Variants in NDFIP2 observed in about 807,000 individuals in gnomAD.
NDFIP2 encodes the protein Nedd4 family interacting protein 2, also known as NEDD4 family-interacting protein 2.
NDFIP2 carries 19 observed loss-of-function variants against 36.0 expected under a neutral mutation model. The observed-to-expected ratio is 0.53, with a 90% CI of 0.37 to 0.77. The LOEUF is 0.77. Among genes scored for constraint, NDFIP2 ranks in the 30% least tolerant of loss-of-function variants. The probability of loss-of-function intolerance (pLI) is 0.00; values close to 1 mark genes in which losing one functional copy is unlikely to be tolerated. For synonymous variants in NDFIP2, 181 were observed against 167.7 expected, an observed-to-expected ratio of 1.08 and a Z score of -0.61; for missense variants, 446 against 435.8, an observed-to-expected ratio of 1.02 and a Z score of -0.21.
chr13:79,521,110 T>C (rs1419872533), intron 2 of NDFIP2, 135 bp downstream of exon 2: 1 of 700,138 alleles, frequency 1.4e-6, no homozygotes, highest in African/African-American at 1.8e-5. Flanking sequence ...ATACATACTG[T>C]GTGCACATAT....
chr13:79,536,239 A>C (rs111491723), intron 3 of NDFIP2, among the ~76,000 whole-genome samples: 2,200 of 152,336 alleles, frequency 0.014, 20 homozygotes, highest in Non-Finnish European at 0.024. Context: ...ATTTCATCTT[A>C]TAATGGGTAG....
At chr13:79,532,398 A>G (rs572531332) in intron 2 of NDFIP2, among the ~76,000 whole-genome samples, 11 of 152,328 alleles carry the variant, frequency 7.2e-5, no homozygotes, top group Non-Finnish European at 7.4e-5. Flanking sequence ...GGTGTATGCT[A>G]CTTTTAGAAC....
chr13:79,535,582 G>A (rs1213314519), intron 3 of NDFIP2, among the ~76,000 whole-genome samples: 2 of 152,190 alleles, frequency 1.3e-5, no homozygotes, highest in African/African-American at 4.8e-5. Flanking sequence ...AGACAGCAAA[G>A]TATTAATAGA....
At chr13:79,486,339 G>A (rs1033251186) in intron 1 of NDFIP2, among the ~76,000 whole-genome samples, 1 of 152,056 alleles carries the variant, frequency 6.6e-6, no homozygotes, top group African/African-American at 2.4e-5. Context: ...TGAAAGAATT[G>A]TACAGTTAAC....
chr13:79,506,912 A>G (rs962449922), intron 1 of NDFIP2, among the ~76,000 whole-genome samples: 12 of 152,142 alleles, frequency 7.9e-5, no homozygotes, highest in Admixed American at 4.6e-4. Context: ...TTTCTTTGCC[A>G]CAAAAATCTT....
At chr13:79,485,108 G>A (rs565860502) in intron 1 of NDFIP2, among the ~76,000 whole-genome samples, 7 of 152,260 alleles carry the variant, frequency 4.6e-5, no homozygotes, top group African/African-American at 1.7e-4. Context: ...GGTTTTCCTA[G>A]CTACCAAATT....
chr13:79,489,939 C>G (rs1873161330), intron 1 of NDFIP2, among the ~76,000 whole-genome samples: 1 of 152,054 alleles, frequency 6.6e-6, no homozygotes, highest in Non-Finnish European at 1.5e-5. Flanking sequence ...AATGTGGGGC[C>G]CTGGCCTGTG....
intron 1 of NDFIP2, among the ~76,000 whole-genome samples, chr13:79,516,289 T>A (rs1041142646): frequency 6.6e-6 from 1 of 152,186 alleles, no homozygotes; most frequent in Non-Finnish European, 1.5e-5. Flanking sequence ...AGTCTCACTT[T>A]GTCACCCAGG....
intron 3 of NDFIP2, among the ~76,000 whole-genome samples, chr13:79,533,749 T>C (rs1371506572): frequency 6.6e-6 from 1 of 151,820 alleles, no homozygotes; most frequent in African/African-American, 2.4e-5. Flanking sequence ...TACATGTAAA[T>C]AGTAGTTTAT....
At chr13:79,520,259 T>G (rs974693613) in intron 1 of NDFIP2, among the ~76,000 whole-genome samples, 8 of 152,236 alleles carry the variant, frequency 5.3e-5, no homozygotes, top group Non-Finnish European at 8.8e-5. Flanking sequence ...TAGGAAGAGA[T>G]GGTAGTAGAG....
rs748973342 is a variant in NDFIP2, at chr13:79,520,885, G to C, written c.397G>C (p.Val133Leu). The C allele has an allele frequency of 6.2e-7, 1 of 1,613,876 alleles. No individual in the cohort carries two copies. The highest frequency in any genetic ancestry group is 1.7e-5 in the Admixed American group (1 of 60,002). ...PPTSNPAPQI[V>L]QAASSAPALE... ...TACTTCAAACCCAGCACCGCAGATT[G>C]TGCAGGCTGCGTCTTCAGCACCAGC... Residue 133 changes from valine (V) to leucine (L), a missense_variant, in exon 2 of 8, where the codon GTG becomes CTG. Physicochemically the swap from Val to Leu is conservative, Grantham distance 32. This residue lies in a region of NDFIP2 where 369 missense variants were observed against 304.8 expected (regional missense o/e 1.21). Transcript: ENST00000218652.
chr13:79,543,237 G>A (rs1282717568), intron 4 of NDFIP2, among the ~76,000 whole-genome samples: 1 of 152,164 alleles, frequency 6.6e-6, no homozygotes, highest in East Asian at 1.9e-4. Context: ...GACTTCTTGG[G>A]TGGAACCACA....
intron 1 of NDFIP2, among the ~76,000 whole-genome samples, chr13:79,510,712 C>T (rs1472601023): frequency 3.3e-5 from 5 of 152,018 alleles, no homozygotes; most frequent in East Asian, 3.9e-4. Context: ...TCTTATTGGC[C>T]GGGTGCGGTG....
chr13:79,482,257 T>G (rs1263151517), intron 1 of NDFIP2, among the ~76,000 whole-genome samples: 1 of 151,546 alleles, frequency 6.6e-6, no homozygotes, highest in Non-Finnish European at 1.5e-5. Flanking sequence ...TGAAAAATTA[T>G]TTTTCGTTAA....
intron 5 of NDFIP2, among the ~76,000 whole-genome samples, 172 bp from the exon 6 acceptor site, chr13:79,548,156 T>G (rs774325706): frequency 3.5e-4 from 53 of 152,108 alleles, no homozygotes; most frequent in African/African-American, 1.2e-3. Context: ...TTTTCTCAAA[T>G]AATTTATATA....
chr13:79,496,531 T>C (rs1192336830), intron 1 of NDFIP2, among the ~76,000 whole-genome samples: 5 of 152,004 alleles, frequency 3.3e-5, no homozygotes, highest in Non-Finnish European at 7.4e-5. Context: ...TAATTTTCTT[T>C]AAATTTGTTC....
At chr13:79,544,835 G>C (rs1490010415) in intron 5 of NDFIP2, among the ~76,000 whole-genome samples, 1 of 151,874 alleles carries the variant, frequency 6.6e-6, no homozygotes, top group Admixed American at 6.6e-5. Flanking sequence ...AGCTTTCCAG[G>C]GTTTCAGTAA....
chr13:79,483,839 A>G (rs753881304), intron 1 of NDFIP2, among the ~76,000 whole-genome samples: 6 of 152,090 alleles, frequency 3.9e-5, no homozygotes, highest in Non-Finnish European at 7.4e-5. Context: ...AGCTACAAAA[A>G]TTCTTGATTG....
At chr13:79,494,323 G>C (rs1873355892) in intron 1 of NDFIP2, among the ~76,000 whole-genome samples, 1 of 151,808 alleles carries the variant, frequency 6.6e-6, no homozygotes, top group South Asian at 2.1e-4. Context: ...TCTAATTTTT[G>C]GTTAAATCAG....
Sources: allele counts gnomAD v4.1 joint callset (sites outside exome capture counted in the v4.1 genomes callset), GRCh38; gene constraint gnomAD v4.1.1; regional missense constraint gnomAD v4.1.1; transcripts MANE v1.5; gene names NCBI Gene and HGNC (gene_info 2026-07-23, HGNC 2026-07-21).